NHEJ1: variants seen among roughly 807,000 people sequenced by gnomAD.
The protein encoded by NHEJ1 is non-homologous end-joining factor 1.
A neutral mutation model predicts 39.4 loss-of-function variants in NHEJ1; 22 were observed. The ratio of observed to expected loss-of-function variants is 0.56; its 90% CI spans 0.40 to 0.80. The LOEUF (loss-of-function observed/expected upper bound fraction) is 0.80, where lower values mean the gene tolerates loss of function less well. Ranked by LOEUF, NHEJ1 falls within the 30% of genes least tolerant of loss-of-function variation. The pLI is 0.00. For missense variants in NHEJ1, 329 were observed against 357.1 expected (o/e 0.92, Z 0.63); for synonymous variants, 154 against 135.6 (o/e 1.14, Z -0.94).
At position 219,075,053 on chromosome 2, in the gene NHEJ1, C is replaced by T. The variant is rs988702953; in HGVS notation, c.*1328G>A. On this transcript the variant is annotated 3_prime_UTR_variant, in exon 8 of 8. Transcript: ENST00000356853. ...GGATAAGGAGGTTTACAGTGGGAGA[C>T]TGGAAAGAAGAACCTAATGTCCTTT... Among the ~76,000 whole-genome samples, 4 of 152,148 alleles carry T rather than the reference C, an allele frequency of 2.6e-5. No homozygotes were observed. Among genetic ancestry groups the T allele is most frequent in the African/African-American group, 9.7e-5 (4 of 41,430 alleles).
At chr2:219,160,101 T>C (rs1448894308) in intron 1 of NHEJ1, among the ~76,000 whole-genome samples, 1 of 152,102 alleles carries the variant, frequency 6.6e-6, no homozygotes, top group African/African-American at 2.4e-5. Flanking sequence ...CCTCTAACAT[T>C]CACATTAACG....
At chr2:219,089,219 A>G (rs1387680814) in intron 5 of NHEJ1, among the ~76,000 whole-genome samples, 2 of 152,358 alleles carry the variant, frequency 1.3e-5, no homozygotes, top group South Asian at 2.1e-4. Flanking sequence ...TATATGACCC[A>G]GCAATTCTAC....
At chr2:219,142,496 C>T (rs1455749442) in intron 5 of NHEJ1, among the ~76,000 whole-genome samples, 1 of 152,194 alleles carries the variant, frequency 6.6e-6, no homozygotes, top group Non-Finnish European at 1.5e-5. Flanking sequence ...GGAATGCCAG[C>T]CTTAGGCCAG....
At chr2:219,112,486 C>T (rs909739210) in intron 5 of NHEJ1, among the ~76,000 whole-genome samples, 3 of 152,088 alleles carry the variant, frequency 2.0e-5, no homozygotes, top group African/African-American at 4.8e-5. Flanking sequence ...GCAGTCTCTC[C>T]AGGAACAAAG....
At chr2:219,102,874 G>A (rs1949276896) in intron 5 of NHEJ1, among the ~76,000 whole-genome samples, 1 of 150,064 alleles carries the variant, frequency 6.7e-6, no homozygotes, top group African/African-American at 2.5e-5. Context: ...GCGTAGTGGC[G>A]GGCGCCTGTA....
chr2:219,077,251 A>T lies in NHEJ1; in HGVS notation c.820T>A (p.Ser274Thr), dbSNP rs748045892. Reference sequence around the variant, plus strand: ...GGAAGCTGCTCATGACTCACCGTGGACTCTTTCTCAGGTGCTGAGAGGGTT... The same window carrying T: ...GGAAGCTGCTCATGACTCACCGTGGTCTCTTTCTCAGGTGCTGAGAGGGTT... ...APTLSAPEKE[S>T]TGTSGPLQRP... The change falls in exon 7 of 8, where the codon TCC (serine) becomes ACC (threonine). Residue 274 changes from serine to threonine, a missense_variant. Coordinates refer to ENST00000356853, the MANE Select transcript of NHEJ1 (RefSeq NM_024782.3). 1.2e-6 allele frequency: 2 copies of T among 1,611,866 alleles called. No individual in the cohort carries two copies. Among genetic ancestry groups the T allele is most frequent in the Non-Finnish European group, 1.7e-6 (2 of 1,178,236 alleles).
At chr2:219,152,991 T>C (rs1006775166) in intron 3 of NHEJ1, among the ~76,000 whole-genome samples, 1 of 151,286 alleles carries the variant, frequency 6.6e-6, no homozygotes, top group Non-Finnish European at 1.5e-5. Context: ...TTAGTAGAGA[T>C]AGGGTTTCGC....
intron 3 of NHEJ1, among the ~76,000 whole-genome samples, chr2:219,153,692 A>AG (rs61240146): frequency 0.17 from 13,074 of 78,626 alleles, 1,771 homozygotes; most frequent in African/African-American, 0.39. Flanking sequence ...AAGAAAGAAA[A>AG]GGGGGGGGGG....
intron 5 of NHEJ1, among the ~76,000 whole-genome samples, chr2:219,127,276 A>G (rs972941430): frequency 8.5e-5 from 13 of 152,152 alleles, no homozygotes; most frequent in African/African-American, 3.1e-4. Context: ...CATGGAACCC[A>G]GCAGGTTCCC....
intron 3 of NHEJ1, among the ~76,000 whole-genome samples, chr2:219,149,052 T>C (rs1206381041): frequency 6.6e-6 from 1 of 151,928 alleles, no homozygotes; most frequent in East Asian, 1.9e-4. Flanking sequence ...CCCGGCTAAT[T>C]TTTGTATTTT....
intron 5 of NHEJ1, among the ~76,000 whole-genome samples, chr2:219,107,017 C>T (rs956828719): frequency 2.0e-5 from 3 of 152,150 alleles, no homozygotes; most frequent in Non-Finnish European, 4.4e-5. Context: ...TTCAATGGTG[C>T]CCACAACATT....
intron 5 of NHEJ1, among the ~76,000 whole-genome samples, chr2:219,119,668 T>A (rs747951798): frequency 5.9e-5 from 9 of 152,174 alleles, no homozygotes; most frequent in African/African-American, 9.7e-5. Flanking sequence ...AGAACAGATC[T>A]TTGAATTGAG....
intron 3 of NHEJ1, among the ~76,000 whole-genome samples, chr2:219,156,450 C>A (rs538743370): frequency 6.6e-6 from 1 of 152,290 alleles, no homozygotes; most frequent in East Asian, 1.9e-4. Context: ...GACCCTGTCC[C>A]CTAAGTGCTA....
intron 5 of NHEJ1, among the ~76,000 whole-genome samples, chr2:219,090,170 C>G (rs1334446243): frequency 1.3e-5 from 2 of 152,188 alleles, no homozygotes; most frequent in Non-Finnish European, 2.9e-5. Context: ...ATTCTGTTCC[C>G]TTGAGAGTTC....
At position 219,074,461 on chromosome 2, in the gene NHEJ1, C is replaced by T. The variant is rs1452770552; in HGVS notation, c.*1920G>A. Among the ~76,000 whole-genome samples, 5 of 152,038 alleles carry T rather than the reference C, an allele frequency of 3.3e-5. No homozygotes were observed. The highest frequency in any genetic ancestry group is 2.1e-4 in the South Asian group (1 of 4,824). On this transcript the variant is annotated 3_prime_UTR_variant, in exon 8 of 8. Coordinates refer to ENST00000356853, the MANE Select transcript of NHEJ1 (RefSeq NM_024782.3). ...ATTATGCTGAAAAGAAACGAAAGAT[C>T]GGCCAGGCACAGTGGCTCAAACGTG...
In NHEJ1 at chr2:219,070,937, C is replaced by T. The variant is rs1368267075; in HGVS notation, c.*5444G>A. ...AACAAAATCTAAATTATTACCAGCT[C>T]TGCCTTCCACAACTAGTGCCTCCCC... On this transcript the variant is annotated 3_prime_UTR_variant, in exon 8 of 8. Coordinates refer to ENST00000356853, the MANE Select transcript of NHEJ1 (RefSeq NM_024782.3). Among the ~76,000 whole-genome samples the T allele has an allele frequency of 2.0e-5, 3 of 152,230 alleles. No individual in the cohort carries two copies. Among genetic ancestry groups the T allele is most frequent in the Admixed American group, 2.0e-4 (3 of 15,286 alleles).
chr2:219,077,119 C>G (rs1432139937), intron 7 of NHEJ1, 127 bp downstream of exon 7: 1 of 750,380 alleles, frequency 1.3e-6, no homozygotes, highest in East Asian at 2.6e-5. Context: ...AATTTGGAGC[C>G]TGGTCACAAA....
intron 3 of NHEJ1, among the ~76,000 whole-genome samples, chr2:219,152,789 T>TTATTTATTTATTTATTTATTTA: frequency 1.1e-5 from 1 of 87,784 alleles, no homozygotes; most frequent in Non-Finnish European, 2.7e-5. Flanking sequence ...ATTTATTTAT[T>TTATTTATTTATTTATTTATTTA]TTTATTTATT....
chr2:219,070,417 C>T lies in NHEJ1; in HGVS notation c.*5964G>A, dbSNP rs1394410719. On this transcript the variant is annotated 3_prime_UTR_variant, in exon 8 of 8. Coordinates refer to ENST00000356853, the MANE Select transcript of NHEJ1 (RefSeq NM_024782.3). Reference sequence around the variant, plus strand: ...ATGTTGGCCAGGCTGGTCTCAAATTCCTGACCTCAGGTGATCCACCTGCCT... The same window carrying T: ...ATGTTGGCCAGGCTGGTCTCAAATTTCTGACCTCAGGTGATCCACCTGCCT... 6.6e-6 allele frequency among the ~76,000 whole-genome samples: 1 copy of T among 152,208 alleles called. No homozygotes were observed. Among genetic ancestry groups the T allele is most frequent in the Admixed American group, 6.5e-5 (1 of 15,284 alleles).
Sources: gnomAD v4.1 joint callset for allele counts (sites outside exome capture counted in the v4.1 genomes callset) on GRCh38, gnomAD v4.1.1 for gene constraint, MANE v1.5 for transcripts, NCBI Gene and HGNC (gene_info 2026-07-23, HGNC 2026-07-21) for gene names.